Variants in PARD3B observed in about 807,000 individuals in gnomAD.
PARD3B encodes par-3 family cell polarity regulator beta, also known as partitioning defective 3 homolog B.
PARD3B carries 103 observed loss-of-function variants against 130.2 expected under a neutral mutation model. The observed-to-expected ratio is 0.79, with a 90% CI of 0.67 to 0.93. PARD3B has a LOEUF of 0.93. PARD3B is among the 40% of genes least tolerant of loss of function. The pLI is 0.00. For synonymous variants in PARD3B, 583 were observed against 553.2 expected, an observed-to-expected ratio of 1.05 and a Z score of -0.76; for missense variants, 1,609 against 1,499.2, an observed-to-expected ratio of 1.07 and a Z score of -1.21.
chr2:204,720,876 G>A (rs1574809702), intron 2 of PARD3B, among the ~76,000 whole-genome samples: 1 of 152,048 alleles, frequency 6.6e-6, no homozygotes. Context: ...GCGCTCAGAT[G>A]TTCTTTTCAT....
At chr2:205,061,767 A>G (rs1700077745) in intron 4 of PARD3B, among the ~76,000 whole-genome samples, 1 of 151,836 alleles carries the variant, frequency 6.6e-6, no homozygotes. Context: ...TTTTGCTTAT[A>G]GAGACCCTTG....
In PARD3B at chr2:205,082,502, C is replaced by T. The variant is rs113875415; in HGVS notation, c.505-21924C>T. On this transcript the variant is annotated intron_variant, in intron 4 of 22. Transcript: ENST00000406610. ...AAATATCTTCTTGTGCTGTACTCACCTGTTTTCAAACCTGGAAAACTGATA... is the reference window on the plus strand; with the variant it reads ...AAATATCTTCTTGTGCTGTACTCACTTGTTTTCAAACCTGGAAAACTGATA... 1.6e-3 allele frequency among the ~76,000 whole-genome samples: 248 copies of T among 152,264 alleles called. 2 individuals carry two copies. The highest frequency in any genetic ancestry group is 5.8e-3 in the African/African-American group (240 of 41,564).
intron 18 of PARD3B, among the ~76,000 whole-genome samples, chr2:205,375,241 A>G (rs1186643135): frequency 5.3e-5 from 8 of 152,234 alleles, no homozygotes; most frequent in Admixed American, 5.2e-4. Flanking sequence ...TTTAACGTGC[A>G]TAAAGTACTG....
intron 21 of PARD3B, among the ~76,000 whole-genome samples, chr2:205,505,167 A>G (rs1238681569): frequency 1.3e-5 from 2 of 150,932 alleles, no homozygotes; most frequent in Admixed American, 1.3e-4. Flanking sequence ...GCATGTTCTC[A>G]CCCGTAGGTG....
At position 205,124,612 on chromosome 2, in the gene PARD3B, A is replaced by G. The variant is rs181055674; in HGVS notation, c.1305+146A>G. On this transcript the variant is annotated intron_variant, in intron 9 of 22. Transcript: ENST00000406610. ...AAAATTATTACTTATAGACAAGATA[A>G]GAACTTTAACTATAGAACTGGTTAA... The G allele has an allele frequency of 5.8e-5, 35 of 602,800 alleles. No individual in the cohort carries two copies. The Admixed American group carries it at 1.2e-3, about 21-fold the overall frequency. The allele number at this position is 602,800 out of a possible 1,614,324, so 37.3% of individuals were successfully genotyped here.
intron 22 of PARD3B, among the ~76,000 whole-genome samples, chr2:205,600,283 C>T (rs1026184285): frequency 6.6e-6 from 1 of 152,158 alleles, no homozygotes; most frequent in Admixed American, 6.5e-5. Context: ...CTGCACGAAT[C>T]ATGACATTCT....
At position 205,124,449 on chromosome 2, in the gene PARD3B, G is replaced by T; in HGVS notation, c.1288G>T (p.Gly430Trp). 6.3e-7 allele frequency: 1 copy of T among 1,594,598 alleles called. No homozygotes were observed. The highest frequency in any genetic ancestry group is 2.3e-5 in the East Asian group (1 of 44,192). Reference sequence around the variant, plus strand: ...AATAAAAGATGGCCGCCTACAATCAGGGGACAGAATTTTGGAGGTAAGAAT... The same window carrying T: ...AATAAAAGATGGCCGCCTACAATCATGGGACAGAATTTTGGAGGTAAGAAT... ...AAIKDGRLQS[G>W]DRILEVNGRD... Residue 430 changes from glycine to tryptophan, a missense_variant, in exon 9 of 23, where the codon GGG becomes TGG. Transcript: ENST00000406610.
intron 1 of PARD3B, among the ~76,000 whole-genome samples, chr2:204,643,583 G>A (rs1430966470): frequency 2.6e-5 from 4 of 152,042 alleles, no homozygotes; most frequent in Non-Finnish European, 5.9e-5. Flanking sequence ...TTCGTAAACT[G>A]TCTTAAAACA....
chr2:205,486,408 C>A (rs1413536718), intron 20 of PARD3B, among the ~76,000 whole-genome samples: 5 of 152,146 alleles, frequency 3.3e-5, no homozygotes, highest in Non-Finnish European at 5.9e-5. Context: ...CCTTTGGGAG[C>A]TAAGTAGATG....
At chr2:205,449,764 C>G (rs1164469252) in intron 20 of PARD3B, among the ~76,000 whole-genome samples, 1 of 152,110 alleles carries the variant, frequency 6.6e-6, no homozygotes, top group Non-Finnish European at 1.5e-5. Context: ...CAGCATGTAT[C>G]CACTAATTTT....
At chr2:205,136,146 C>T (rs1257591107) in intron 10 of PARD3B, among the ~76,000 whole-genome samples, 1 of 152,140 alleles carries the variant, frequency 6.6e-6, no homozygotes, top group Non-Finnish European at 1.5e-5. Flanking sequence ...AGGTTTAGCA[C>T]TGCCCCCCAC....
chr2:204,892,947 T>C (rs1403254803), intron 2 of PARD3B, among the ~76,000 whole-genome samples: 1 of 151,946 alleles, frequency 6.6e-6, no homozygotes, highest in Non-Finnish European at 1.5e-5. Flanking sequence ...AAGACTGGAG[T>C]TTATAGAAAT....
intron 2 of PARD3B, among the ~76,000 whole-genome samples, chr2:204,823,290 A>T (rs1383631804): frequency 2.0e-5 from 3 of 152,150 alleles, no homozygotes; most frequent in Non-Finnish European, 4.4e-5. Context: ...TCATTTATAT[A>T]TTACATGTAC....
chr2:205,189,764 T>C (rs944423338), intron 14 of PARD3B, among the ~76,000 whole-genome samples: 1 of 152,194 alleles, frequency 6.6e-6, no homozygotes, highest in Non-Finnish European at 1.5e-5. Context: ...TATGCCCACA[T>C]TGGCTCTAAT....
intron 2 of PARD3B, among the ~76,000 whole-genome samples, chr2:204,826,217 A>G (rs558123629): frequency 6.6e-6 from 1 of 152,336 alleles, no homozygotes; most frequent in East Asian, 1.9e-4. Context: ...ATACTTGATT[A>G]GGTCTCTGTC....
intron 18 of PARD3B, among the ~76,000 whole-genome samples, chr2:205,361,783 G>A (rs910909470): frequency 6.6e-6 from 1 of 151,968 alleles, no homozygotes; most frequent in African/African-American, 2.4e-5. Context: ...CTTTTATCTG[G>A]CTACGTTTTA....
intron 15 of PARD3B, among the ~76,000 whole-genome samples, chr2:205,209,341 A>G (rs1221332328): frequency 6.6e-6 from 1 of 151,918 alleles, no homozygotes; most frequent in Non-Finnish European, 1.5e-5. Context: ...CACCAAAAGC[A>G]ATGGCAACAA....
At chr2:204,658,020 G>A (rs2035693041) in intron 1 of PARD3B, among the ~76,000 whole-genome samples, 1 of 152,130 alleles carries the variant, frequency 6.6e-6, no homozygotes, top group African/African-American at 2.4e-5. Flanking sequence ...AGATGATTGT[G>A]ACTTAGACAT....
At chr2:204,746,175 C>G (rs888516623) in intron 2 of PARD3B, among the ~76,000 whole-genome samples, 1 of 129,972 alleles carries the variant, frequency 7.7e-6, no homozygotes, top group Non-Finnish European at 1.6e-5. Flanking sequence ...TGTTCCCTTT[C>G]CTGTGACCAA....
Sources: allele counts gnomAD v4.1 joint callset (sites outside exome capture counted in the v4.1 genomes callset), GRCh38; gene constraint gnomAD v4.1.1; transcripts MANE v1.5; gene names NCBI Gene and HGNC (gene_info 2026-07-23, HGNC 2026-07-21).